Variants in TF observed in about 807,000 individuals in gnomAD.
TF encodes serotransferrin.
TF carries 55 observed loss-of-function variants against 82.4 expected under a neutral mutation model. That is an observed-to-expected ratio of 0.67 (90% CI 0.54 to 0.84). The LOEUF (loss-of-function observed/expected upper bound fraction) is 0.84. TF is among the 40% of genes least tolerant of loss of function. TF has a pLI of 0.00. For synonymous variants in TF, 332 were observed against 332.6 expected (o/e 1.00, Z 0.02); for missense variants, 737 against 868.4 (o/e 0.85, Z 1.90).
At chr3:133,738,798 T>G in the TF span, among the ~76,000 whole-genome samples, 1 of 152,104 alleles carries the variant, frequency 6.6e-6, no homozygotes, top group African/African-American at 2.4e-5. Context: ...AAACCACTGC[T>G]CAACTAAATA....
intron 4 of TF, 39 bp downstream of exon 4, chr3:133,754,710 C>T: frequency 6.2e-7 from 1 of 1,604,296 alleles, no homozygotes; most frequent in Non-Finnish European, 8.5e-7. Flanking sequence ...GAGCAGCTGC[C>T]TCTGCTCCAG....
the TF span, among the ~76,000 whole-genome samples, chr3:133,690,338 A>G: frequency 2.0e-5 from 3 of 152,236 alleles, no homozygotes; most frequent in Non-Finnish European, 4.4e-5. Context: ...AATATTAACA[A>G]TAAAGGAAAA....
rs576921506 is a variant in TF, at chr3:133,787,833, A to G, written c.*9213A>G. ...AAAATATCCACTCTCTAGATACTAA[A>G]GAGGTTGCCAATGTATGACAAAAAT... On this transcript the variant is annotated 3_prime_UTR_variant, in exon 17 of 17. Transcript: ENST00000402696. 1.3e-5 allele frequency: 2 copies of G among 152,370 alleles called. No homozygotes were observed. The highest frequency in any genetic ancestry group is 3.9e-4 in the East Asian group (2 of 5,190). 9.4% of individuals were successfully genotyped at this position (152,370 alleles called of 1,614,324 possible).
At chr3:133,775,220 A>T in intron 14 of TF, 2 of 611,408 alleles carry the variant, frequency 3.3e-6, no homozygotes, top group South Asian at 3.8e-5. Context: ...TTGGAAGGGG[A>T]TGGTCAATAA....
At chr3:133,728,832 G>GGT in the TF span, among the ~76,000 whole-genome samples, 1 of 152,132 alleles carries the variant, frequency 6.6e-6, no homozygotes, top group African/African-American at 2.4e-5. Context: ...ATGGGTTTTT[G>GGT]GTGTGGATGG....
the TF span, among the ~76,000 whole-genome samples, chr3:133,684,754 C>T: frequency 1.3e-5 from 2 of 152,186 alleles, no homozygotes; most frequent in African/African-American, 2.4e-5. Flanking sequence ...GACGGATTCA[C>T]AGCCAAATTC....
chr3:133,712,894 C>T, the TF span: 7 of 152,656 alleles, frequency 4.6e-5, no homozygotes, highest in East Asian at 1.2e-3. Context: ...CATCTGGCTG[C>T]TGCATTTGGA....
intron 12 of TF, among the ~76,000 whole-genome samples, chr3:133,767,581 G>A (rs1206639384): frequency 6.6e-6 from 1 of 152,216 alleles, no homozygotes; most frequent in African/African-American, 2.4e-5. Flanking sequence ...ATGGCCACAG[G>A]AGAGCAGCTG....
At chr3:133,714,248 C>T in the TF span, among the ~76,000 whole-genome samples, 2 of 152,118 alleles carry the variant, frequency 1.3e-5, no homozygotes, top group African/African-American at 4.8e-5. Flanking sequence ...GTTGGCCTGG[C>T]TAAAGACGTA....
At chr3:133,715,636 A>G in the TF span, among the ~76,000 whole-genome samples, 1 of 152,312 alleles carries the variant, frequency 6.6e-6, no homozygotes. Flanking sequence ...AGAGTTAAAT[A>G]TCTTTGCTAA....
At chr3:133,737,317 G>A in the TF span, among the ~76,000 whole-genome samples, 2 of 152,008 alleles carry the variant, frequency 1.3e-5, no homozygotes, top group African/African-American at 2.4e-5. Context: ...GCTAAAGCAG[G>A]GTTTAGAGGG....
At chr3:133,766,849 G>A (rs1437911788) in intron 12 of TF, among the ~76,000 whole-genome samples, 1 of 152,138 alleles carries the variant, frequency 6.6e-6, no homozygotes, top group Non-Finnish European at 1.5e-5. Flanking sequence ...CAGTCACCAA[G>A]GGGTTACAGC....
intron 7 of TF, 93 bp from the exon 8 acceptor site, chr3:133,757,676 T>C: frequency 7.7e-7 from 1 of 1,290,442 alleles, no homozygotes; most frequent in Non-Finnish European, 1.1e-6. Flanking sequence ...TTTTTCATGT[T>C]GTTTCCTGCA....
the TF span, among the ~76,000 whole-genome samples, chr3:133,741,016 G>A: frequency 3.1e-4 from 39 of 124,850 alleles, no homozygotes; most frequent in South Asian, 2.3e-3. Flanking sequence ...TTTTGAGACA[G>A]GGTCTCACTC....
At position 133,757,768 on chromosome 3, in the gene TF, G is replaced by A; in HGVS notation, c.871-1G>A. 6.2e-7 allele frequency: 1 copy of A among 1,613,912 alleles called. No homozygotes were observed. The highest frequency in any genetic ancestry group is 8.5e-7 in the Non-Finnish European group (1 of 1,179,770). On this transcript the variant is annotated splice_acceptor_variant, in intron 7 of 16. Transcript: ENST00000402696. LOFTEE classifies it high-confidence loss of function. ...CCACTATTCTGTTTTTCTATGAACAGGAACATTTTGGCAAAGACAAATCAA... is the reference window on the plus strand; with the variant it reads ...CCACTATTCTGTTTTTCTATGAACAAGAACATTTTGGCAAAGACAAATCAA...
the TF span, among the ~76,000 whole-genome samples, chr3:133,738,161 C>T: frequency 2.6e-5 from 4 of 152,168 alleles, no homozygotes; most frequent in Non-Finnish European, 5.9e-5. Flanking sequence ...GTTCAACATA[C>T]TCAAATCAAT....
chr3:133,677,501 G>T, the TF span, among the ~76,000 whole-genome samples: 1 of 152,082 alleles, frequency 6.6e-6, no homozygotes, highest in African/African-American at 2.4e-5. Context: ...GTCAGGCGTG[G>T]TGGTGGGCGC....
At chr3:133,769,043 C>A (rs1934197683) in intron 13 of TF, among the ~76,000 whole-genome samples, 1 of 152,166 alleles carries the variant, frequency 6.6e-6, no homozygotes, top group Non-Finnish European at 1.5e-5. Flanking sequence ...ATCCTCCTGT[C>A]TTGGCCTCCC....
At position 133,786,209 on chromosome 3, in the gene TF, T is replaced by C. The variant is rs924097182; in HGVS notation, c.*7589T>C. On this transcript the variant is annotated 3_prime_UTR_variant, in exon 17 of 17. Transcript: ENST00000402696. ...GTGAGAAACACCCAAGAATTATCAA[T>C]AAAAAAATAAATTAAAAAAAAAAAA... is the stretch of plus-strand genomic sequence containing the variant. 3.4e-3 allele frequency: 32 copies of C among 9,364 alleles called. 5 individuals carry two copies. The highest frequency in any genetic ancestry group is 2.4e-4 in the Non-Finnish European group (1 of 4,134). The allele number at this position is 9,364 out of a possible 1,614,324, so 0.6% of individuals were successfully genotyped here. A position where few individuals can be genotyped will look rare whatever the true frequency, so the allele number is the denominator to read the frequency against.
Sources: allele counts gnomAD v4.1 joint callset (sites outside exome capture counted in the v4.1 genomes callset), GRCh38; gene constraint gnomAD v4.1.1; transcripts MANE v1.5; gene names NCBI Gene and HGNC (gene_info 2026-07-23, HGNC 2026-07-21).